PPP2R5C: variants seen among roughly 807,000 people sequenced by gnomAD.
PPP2R5C encodes the protein serine/threonine-protein phosphatase 2A 56 kDa regulatory subunit gamma isoform.
Under a neutral mutation model 68.9 loss-of-function variants are expected in PPP2R5C, and 7 were observed. That is an observed-to-expected ratio of 0.10 (90% CI 0.06 to 0.19). The LOEUF is 0.19. PPP2R5C is among the 10% of genes least tolerant of loss of function. The probability of loss-of-function intolerance (pLI) is 1.00; values close to 1 mark genes in which losing one functional copy is unlikely to be tolerated. For synonymous variants in PPP2R5C, 210 were observed against 222.2 expected, an observed-to-expected ratio of 0.95 and a Z score of 0.49; for missense variants, 348 against 641.3, an observed-to-expected ratio of 0.54 and a Z score of 4.94.
At chr14:101,874,095 TGAAA>T (rs2043597754) in intron 2 of PPP2R5C, among the ~76,000 whole-genome samples, 1 of 152,226 alleles carries the variant, frequency 6.6e-6, no homozygotes, top group African/African-American at 2.4e-5. Flanking sequence ...ATTATAAAAA[TGAAA>T]GACTGTTTGC....
chr14:101,883,631 A>G, intron 5 of PPP2R5C, 69 bp downstream of exon 7: 1 of 1,554,678 alleles, frequency 6.4e-7, no homozygotes, highest in Non-Finnish European at 8.8e-7. Context: ...ATGCTCCCCT[A>G]CCCCATCGTC....
At chr14:101,850,144 C>G (rs566980062) in intron 1 of PPP2R5C, among the ~76,000 whole-genome samples, 2 of 152,180 alleles carry the variant, frequency 1.3e-5, no homozygotes, top group Non-Finnish European at 2.9e-5. Flanking sequence ...AAGCTCCCCT[C>G]TGAGTCGGGG....
chr14:101,816,283 G>A (rs145865195), intron 1 of PPP2R5C, among the ~76,000 whole-genome samples: 16 of 152,270 alleles, frequency 1.1e-4, no homozygotes, highest in Non-Finnish European at 2.1e-4. Flanking sequence ...AAATAGGACC[G>A]CCAAGTGGTC....
chr14:101,877,255 C>CT lies in PPP2R5C; in HGVS notation c.295-4903dup, dbSNP rs1439542418. ...TGAGTCACCGCGCCTGGCCTTTACC[C>CT]TTTCCAATGGAGGAGAAAATTGAGG... On this transcript the variant is annotated intron_variant, in intron 2 of 13. Coordinates refer to ENST00000334743, the Ensembl canonical transcript of PPP2R5C. The surrounding 1 kb of genome is among the most constrained non-coding windows in gnomAD (Gnocchi z 4.2). Among the ~76,000 whole-genome samples the CT allele has an allele frequency of 6.6e-6, 1 of 152,070 alleles. No individual in the cohort carries two copies. Among genetic ancestry groups the CT allele is most frequent in the East Asian group, 1.9e-4 (1 of 5,192 alleles).
intron 1 of PPP2R5C, among the ~76,000 whole-genome samples, chr14:101,847,390 A>G (rs1022377873): frequency 6.6e-6 from 1 of 152,150 alleles, no homozygotes; most frequent in Non-Finnish European, 1.5e-5. Flanking sequence ...GAGTGCCTCT[A>G]GACAGTCTCC....
rs998595542 is a variant in PPP2R5C at position 101,916,456 on chromosome 14, GC to G, written c.1327-1372del. 1.3e-5 allele frequency among the ~76,000 whole-genome samples: 2 copies of G among 152,206 alleles called. No homozygotes were observed. Among genetic ancestry groups the G allele is most frequent in the Non-Finnish European group, 2.9e-5 (2 of 68,026 alleles). On this transcript the variant is annotated intron_variant, in intron 12 of 13. Coordinates refer to ENST00000334743, the Ensembl canonical transcript of PPP2R5C. This position sits in a 1 kb window ranked among gnomAD's most constrained non-coding sequence, Gnocchi z 5.5. Reference sequence around the variant, plus strand: ...CCGAAGACAGCCCACAGAGGAAGGAGCCCAAGGCACCTGGAGGAGAGGCTGG... The same window carrying G: ...CCGAAGACAGCCCACAGAGGAAGGAGCCAAGGCACCTGGAGGAGAGGCTGG...
intron 2 of PPP2R5C, among the ~76,000 whole-genome samples, chr14:101,782,071 C>CGA (rs2037734194): frequency 1.6e-5 from 2 of 125,516 alleles, no homozygotes; most frequent in African/African-American, 6.1e-5. Context: ...TCTCCCTCTC[C>CGA]CACTCCCTCT....
chr14:101,853,677 C>T (rs767828891), intron 1 of PPP2R5C, among the ~76,000 whole-genome samples: 4 of 152,110 alleles, frequency 2.6e-5, no homozygotes, highest in Non-Finnish European at 2.9e-5. Context: ...ATTTGGCCCT[C>T]GTGTCCGTAT....
chr14:101,791,080 AAAAAAAG>A (rs934611941), intron 3 of PPP2R5C, among the ~76,000 whole-genome samples: 1 of 152,214 alleles, frequency 6.6e-6, no homozygotes, highest in African/African-American at 2.4e-5. Flanking sequence ...ACTCCGTCTC[AAAAAAAG>A]AAAAAAGAAA....
intron 7 of PPP2R5C, among the ~76,000 whole-genome samples, chr14:101,893,645 G>T (rs1188914002): frequency 6.6e-6 from 1 of 152,206 alleles, no homozygotes; most frequent in Non-Finnish European, 1.5e-5. Flanking sequence ...AGCTCCTCAG[G>T]AGGCTGAGGC....
At chr14:101,871,928 C>T (rs750538800) in intron 2 of PPP2R5C, among the ~76,000 whole-genome samples, 10 of 152,158 alleles carry the variant, frequency 6.6e-5, no homozygotes, top group Admixed American at 6.5e-4. Flanking sequence ...CCGCTATTAT[C>T]ATACATAAAC....
At chr14:101,900,354 G>A (rs1035556300) in intron 8 of PPP2R5C, among the ~76,000 whole-genome samples, 27 of 152,344 alleles carry the variant, frequency 1.8e-4, no homozygotes, top group African/African-American at 6.5e-4. Flanking sequence ...GGCCTGCTAA[G>A]CCATGAGTTG....
chr14:101,841,481 A>G (rs1045113362), intron 1 of PPP2R5C, among the ~76,000 whole-genome samples: 22 of 152,108 alleles, frequency 1.4e-4, no homozygotes, highest in Non-Finnish European at 2.2e-4. Flanking sequence ...AGATCACCCA[A>G]CTGAGCTTCC....
chr14:101,837,586 C>A lies in PPP2R5C; in HGVS notation c.95-19100C>A, dbSNP rs544653303. The stretch of plus-strand genomic sequence containing the variant: ...ATAGAAATAAACACACAGGCGGAAA[C>A]CAGGCATCCCTGGGAGTCCCTTGGG... On this transcript the variant is annotated intron_variant, in intron 1 of 13. Transcript: ENST00000334743. 1.5e-4 allele frequency among the ~76,000 whole-genome samples: 23 copies of A among 152,286 alleles called. 1 individual carries two copies. In the South Asian group the frequency reaches 4.3e-3, roughly 29 times the overall value.
At chr14:101,765,392 AGCT>A in intron 2 of PPP2R5C, 1 of 625,936 alleles carries the variant, frequency 1.6e-6, no homozygotes, top group Non-Finnish European at 2.9e-6. Flanking sequence ...CTCAGTCTTC[AGCT>A]CACTGCTTCA....
chr14:101,802,055 A>C lies in PPP2R5C; in HGVS notation c.259+15872A>C, dbSNP rs116700631. Among the ~76,000 whole-genome samples, 1,202 of 152,318 alleles carry C rather than the reference A, an allele frequency of 7.9e-3. 19 individuals are homozygous for C. The highest frequency in any genetic ancestry group is 0.027 in the African/African-American group (1,132 of 41,572). ...TTGACAAGGTTTCCTAGACCATTCA[A>C]TGGGGAAAACACAGTCTTTTCAACA... On this transcript the variant is annotated intron_variant, in intron 3 of 14. Coordinates refer to the PPP2R5C transcript ENST00000328724.
chr14:101,821,627 C>T (rs928415198), intron 1 of PPP2R5C, among the ~76,000 whole-genome samples: 21 of 151,450 alleles, frequency 1.4e-4, no homozygotes, highest in African/African-American at 4.9e-4. Flanking sequence ...GTGGCGCTCT[C>T]GGTTCATAAT....
At chr14:101,779,493 C>A (rs958510402) in intron 2 of PPP2R5C, among the ~76,000 whole-genome samples, 3 of 151,990 alleles carry the variant, frequency 2.0e-5, no homozygotes, top group Non-Finnish European at 2.9e-5. Flanking sequence ...AGTTTGGGAA[C>A]GGGAAGAGGG....
rs755579757 is a variant in PPP2R5C at position 101,886,897 on chromosome 14, CTT to C, written c.630-3337_630-3336del. On this transcript the variant is annotated intron_variant, in intron 5 of 13. Coordinates refer to ENST00000334743, the Ensembl canonical transcript of PPP2R5C. ...GATGTGTGCCACCACATGCGGCTAA[CTT>C]TTAAAATTTTTGTAGAGATGGAGAT... Among the ~76,000 whole-genome samples, 377 of 152,088 alleles carry C rather than the reference CTT, an allele frequency of 2.5e-3. 4 individuals carry two copies. The highest frequency in any genetic ancestry group is 8.1e-3 in the African/African-American group (336 of 41,462).
Sources: gnomAD v4.1 joint callset for allele counts (sites outside exome capture counted in the v4.1 genomes callset) on GRCh38, gnomAD v4.1.1 for gene constraint, Gnocchi (gnomAD v3.1) non-coding constraint, MANE v1.5 for transcripts, NCBI Gene and HGNC (gene_info 2026-07-23, HGNC 2026-07-21) for gene names.